ZNF831: variants seen among roughly 807,000 people sequenced by gnomAD.
ZNF831 encodes the protein zinc finger protein 831, also known as chromosome 20 open reading frame 174.
ZNF831 carries 59 observed loss-of-function variants against 95.8 expected under a neutral mutation model. The observed-to-expected ratio is 0.62, with a 90% CI of 0.50 to 0.77. The LOEUF (loss-of-function observed/expected upper bound fraction) is 0.77. ZNF831 is among the 30% of genes least tolerant of loss of function. The probability of loss-of-function intolerance (pLI) is 0.00; values close to 1 mark genes in which losing one functional copy is unlikely to be tolerated. For synonymous variants in ZNF831, 961 were observed against 925.5 expected (o/e 1.04, Z -0.70); for missense variants, 2,205 against 2,164.0 (o/e 1.02, Z -0.38).
chr20:59,242,291 C>G (rs912950819), intron 4 of ZNF831, among the ~76,000 whole-genome samples: 12 of 152,132 alleles, frequency 7.9e-5, no homozygotes, highest in Non-Finnish European at 1.8e-4. Flanking sequence ...GAGCTCTCTC[C>G]AATACCTTAA....
chr20:59,253,938 C>T lies in ZNF831; in HGVS notation c.4229C>T (p.Thr1410Ile), dbSNP rs1249983681. 4 of 1,508,336 alleles carry T rather than the reference C, an allele frequency of 2.7e-6. No homozygotes were observed. The highest frequency in any genetic ancestry group is 3.6e-6 in the Non-Finnish European group (4 of 1,124,112). 93.4% of individuals were successfully genotyped at this position (1,508,336 alleles called of 1,614,324 possible). A position where few individuals can be genotyped will look rare whatever the true frequency, so the allele number is the denominator to read the frequency against. The change falls in exon 6 of 6, where the codon ACT becomes ATT. Residue 1410 changes from threonine (T) to isoleucine (I), a missense_variant. Transcript: ENST00000371030. ...PSAGEHGDCT[T>I]HSTAATSGLS... Reference sequence around the variant, plus strand: ...GCTGGTGAGCATGGTGACTGTACTACTCACAGCACTGCTGCCACATCAGGA... The same window carrying T: ...GCTGGTGAGCATGGTGACTGTACTATTCACAGCACTGCTGCCACATCAGGA...
intron 1 of ZNF831, among the ~76,000 whole-genome samples, chr20:59,132,239 G>A (rs187264443): frequency 2.0e-5 from 3 of 151,092 alleles, no homozygotes; most frequent in East Asian, 1.9e-4. Context: ...GCATTTCAGC[G>A]ATGTCCCATA....
chr20:59,233,923 C>T (rs1436697932), intron 4 of ZNF831, among the ~76,000 whole-genome samples: 1 of 152,212 alleles, frequency 6.6e-6, no homozygotes, highest in Non-Finnish European at 1.5e-5. Flanking sequence ...ACCCTCATCC[C>T]CACCTACTCG....
intron 1 of ZNF831, among the ~76,000 whole-genome samples, chr20:59,176,248 A>T (rs1401315249): frequency 6.6e-6 from 1 of 152,250 alleles, no homozygotes; most frequent in East Asian, 1.9e-4. Flanking sequence ...GGTTGCATTT[A>T]TAGGACATTC....
Position 59,254,697 on chromosome 20 carries a change from G to T in ZNF831, c.4988G>T (p.Ser1663Ile), listed in dbSNP as rs1417559133. 2.5e-6 allele frequency: 4 copies of T among 1,614,090 alleles called. No homozygotes were observed. The South Asian group carries it at 4.4e-5, about 18-fold the overall frequency. The change falls in exon 6 of 6, where the codon AGT becomes ATT. Residue 1663 changes from serine to isoleucine, a missense_variant. By Grantham distance (142) the Ser-to-Ile change is moderately radical. Transcript: ENST00000371030. This position sits in a 1 kb window ranked among gnomAD's most constrained non-coding sequence, Gnocchi z 4.5. ...AGAAAGCAAACTCGAGTAGAGTTCA[G>T]TGACACCAGCAGCGACGATGAAGAC... is the stretch of plus-strand genomic sequence containing the variant. ...GMRKQTRVEF[S>I]DTSSDDEDRL...
chr20:59,168,269 CA>C (rs1170782560), intron 1 of ZNF831, among the ~76,000 whole-genome samples: 5 of 152,120 alleles, frequency 3.3e-5, no homozygotes, highest in African/African-American at 1.2e-4. Flanking sequence ...GTTAGTTCAT[CA>C]GTGTTTTGTA....
intron 1 of ZNF831, among the ~76,000 whole-genome samples, chr20:59,179,324 C>A (rs757456420): frequency 2.0e-5 from 3 of 152,178 alleles, no homozygotes; most frequent in Non-Finnish European, 2.9e-5. Flanking sequence ...TCCCACTTGC[C>A]TTCCTCCTCC....
intron 1 of ZNF831, among the ~76,000 whole-genome samples, chr20:59,184,181 T>C (rs1982833836): frequency 6.6e-6 from 1 of 152,258 alleles, no homozygotes; most frequent in Admixed American, 6.5e-5. Flanking sequence ...AAGTTTCCTC[T>C]CTGTCTTTCT....
rs144280058 is a variant in ZNF831, at chr20:59,249,072, G to A, written c.4028-3906G>A. On this transcript the variant is annotated intron_variant, in intron 4 of 5. Transcript: ENST00000371030. ...CACATTGGCCCCCCATGGGTCTCTT[G>A]CTCCCGCAAGCTGCTTTCCCCTTTA... Among the ~76,000 whole-genome samples, 74 of 152,220 alleles carry A rather than the reference G, an allele frequency of 4.9e-4. No homozygotes were observed. The East Asian group carries it at 0.014, about 29-fold the overall frequency.
chr20:59,176,102 T>G (rs769588255), intron 1 of ZNF831, among the ~76,000 whole-genome samples: 4 of 152,216 alleles, frequency 2.6e-5, no homozygotes, highest in Admixed American at 2.6e-4. Context: ...ATTAACACAC[T>G]GTGGCACACC....
chr20:59,125,178 G>A (rs1488951941), intron 1 of ZNF831, among the ~76,000 whole-genome samples: 1 of 152,208 alleles, frequency 6.6e-6, no homozygotes, highest in Non-Finnish European at 1.5e-5. Context: ...TTGCACACTG[G>A]GGATGCAAGA....
rs1985759866 is a variant in ZNF831 at position 59,217,324 on chromosome 20, T to C, written c.4027+10268T>C. On this transcript the variant is annotated intron_variant, in intron 4 of 5. Transcript: ENST00000371030. This position sits in a 1 kb window ranked among gnomAD's most constrained non-coding sequence, Gnocchi z 4.4. Reference sequence around the variant, plus strand: ...TTCCTGAGCAGGGACAGAGTCCCTCTGGGTGGGAATACTCTTATTTATGAA... The same window carrying C: ...TTCCTGAGCAGGGACAGAGTCCCTCCGGGTGGGAATACTCTTATTTATGAA... Among the ~76,000 whole-genome samples, 1 of 152,262 alleles carries C rather than the reference T, an allele frequency of 6.6e-6. No individual in the cohort carries two copies. The highest frequency in any genetic ancestry group is 1.5e-5 in the Non-Finnish European group (1 of 68,034).
In ZNF831 at chr20:59,254,180, G is replaced by A. The variant is rs200022412; in HGVS notation, c.4471G>A (p.Ala1491Thr). 43 of 1,613,888 alleles carry A rather than the reference G, an allele frequency of 2.7e-5. No homozygotes were observed. Among genetic ancestry groups the A allele is most frequent in the Non-Finnish European group, 3.4e-5 (40 of 1,180,012 alleles). Residue 1491 changes from alanine to threonine, a missense_variant, in exon 6 of 6, where the codon GCT becomes ACT. By Grantham distance (58) the Ala-to-Thr change is moderately conservative. Coordinates refer to ENST00000371030, the MANE Select transcript of ZNF831 (RefSeq NM_178457.3). This position sits in a 1 kb window ranked among gnomAD's most constrained non-coding sequence, Gnocchi z 4.5. ...CCACCATGACATTGCTACCTCTGTG[G>A]CTGCCGTTTGTATTTCTCTGCCAGT... ...FPHHDIATSVAAVCISLPVRT... is the reference protein window; with the variant it reads ...FPHHDIATSVTAVCISLPVRT...
In ZNF831 at chr20:59,258,596, A is replaced by T. The variant is rs575319904; in HGVS notation, c.*3853A>T. The T allele has an allele frequency of 1.3e-5, 2 of 152,678 alleles. No homozygotes were observed. Among genetic ancestry groups the T allele is most frequent in the Admixed American group, 1.3e-4 (2 of 15,276 alleles). 9.5% of individuals were successfully genotyped at this position (152,678 alleles called of 1,614,324 possible). On this transcript the variant is annotated 3_prime_UTR_variant, in exon 6 of 6. Transcript: ENST00000371030. ...GACCTGCCTGGCTCTATGGGTGATC[A>T]TATTTCTACTGCTGCAGCAAGCTGG...
chr20:59,245,121 A>C (rs954067969), intron 4 of ZNF831, among the ~76,000 whole-genome samples: 1 of 152,244 alleles, frequency 6.6e-6, no homozygotes, highest in Non-Finnish European at 1.5e-5. Flanking sequence ...AAGCTTTGCT[A>C]TCAGAGTGGG....
chr20:59,199,407 C>G (rs1426528372), intron 3 of ZNF831, among the ~76,000 whole-genome samples: 1 of 152,056 alleles, frequency 6.6e-6, no homozygotes, highest in Non-Finnish European at 1.5e-5. Context: ...TGTTTTCATA[C>G]TTTGCAAATC....
In ZNF831 at chr20:59,258,509, C is replaced by T. The variant is rs980515913; in HGVS notation, c.*3766C>T. On this transcript the variant is annotated 3_prime_UTR_variant, in exon 6 of 6. Coordinates refer to ENST00000371030, the MANE Select transcript of ZNF831 (RefSeq NM_178457.3). Reference sequence around the variant, plus strand: ...TCTTTATAGTTATGGAAACTGTCATCATTATCGGAATGTGCTGCTGCTCAA... The same window carrying T: ...TCTTTATAGTTATGGAAACTGTCATTATTATCGGAATGTGCTGCTGCTCAA... The T allele has an allele frequency of 2.0e-5, 3 of 152,614 alleles. No homozygotes were observed. The highest frequency in any genetic ancestry group is 7.2e-5 in the African/African-American group (3 of 41,450). 9.5% of individuals were successfully genotyped at this position (152,614 alleles called of 1,614,324 possible).
chr20:59,224,739 T>TA (rs1258594059), intron 4 of ZNF831, among the ~76,000 whole-genome samples: 1 of 152,228 alleles, frequency 6.6e-6, no homozygotes, highest in Non-Finnish European at 1.5e-5. Context: ...CAACAGGAAT[T>TA]ACTTGCTACA....
rs1235792070 is a variant in ZNF831, at chr20:59,193,660, G to C, written c.2641G>C (p.Glu881Gln). The C allele has an allele frequency of 6.2e-7, 1 of 1,612,878 alleles. No individual in the cohort carries two copies. Among genetic ancestry groups the C allele is most frequent in the East Asian group, 2.2e-5 (1 of 44,872 alleles). The change falls in exon 2 of 6, where the codon GAG (glutamate) becomes CAG (glutamine). Residue 881 changes from glutamate to glutamine, a missense_variant. Physicochemically the swap from Glu to Gln is conservative, Grantham distance 29 (BLOSUM62 2). Transcript: ENST00000371030. ...ESARQVGEPLESSGASLAAAS... is the reference protein window; with the variant it reads ...ESARQVGEPLQSSGASLAAAS... ...TGCCAGGCAGGTGGGCGAGCCTCTG[G>C]AGTCCTCTGGAGCCTCCTTGGCTGC...
Sources: allele counts gnomAD v4.1 joint callset (sites outside exome capture counted in the v4.1 genomes callset), GRCh38; gene constraint gnomAD v4.1.1; non-coding constraint Gnocchi (gnomAD v3.1); transcripts MANE v1.5; gene names NCBI Gene and HGNC (gene_info 2026-07-23, HGNC 2026-07-21).